Variants in AGBL4 observed in about 807,000 individuals in gnomAD.
The protein encoded by AGBL4 is AGBL carboxypeptidase 4.
In AGBL4, 58 loss-of-function variants were observed where a neutral mutation model predicts 66.4. The ratio of observed to expected loss-of-function variants is 0.87; its 90% confidence interval spans 0.71 to 1.09. The LOEUF (loss-of-function observed/expected upper bound fraction) is 1.09. Among genes scored for constraint, AGBL4 ranks in the 50% least tolerant of loss-of-function variants. The pLI is 0.00. For synonymous variants in AGBL4, 234 were observed against 222.9 expected (o/e 1.05, Z -0.44); for missense variants, 579 against 631.0 (o/e 0.92, Z 0.88).
chr1:48,865,112 C>T (rs1438761930), intron 6 of AGBL4, among the ~76,000 whole-genome samples: 1 of 151,966 alleles, frequency 6.6e-6, no homozygotes, highest in East Asian at 1.9e-4. Context: ...TTCAGACAAG[C>T]CAGTACCTCC....
At chr1:49,929,663 G>GA (rs887460095) in intron 1 of AGBL4, among the ~76,000 whole-genome samples, 11 of 143,592 alleles carry the variant, frequency 7.7e-5, no homozygotes, top group African/African-American at 1.3e-4. Context: ...GTTTCAAGCA[G>GA]AAAAAAAAAA....
chr1:48,634,904 C>T (rs1645645019), intron 8 of AGBL4, among the ~76,000 whole-genome samples: 1 of 152,176 alleles, frequency 6.6e-6, no homozygotes, highest in Non-Finnish European at 1.5e-5. Flanking sequence ...CCCATAGACA[C>T]ACATGCACAT....
intron 1 of AGBL4, among the ~76,000 whole-genome samples, chr1:49,918,452 A>G (rs552895844): frequency 6.6e-6 from 1 of 152,314 alleles, no homozygotes; most frequent in South Asian, 2.1e-4. Flanking sequence ...AGAATACTAT[A>G]AACACCTCTA....
At chr1:48,610,375 G>T (rs1028629675) in intron 9 of AGBL4, among the ~76,000 whole-genome samples, 1 of 152,128 alleles carries the variant, frequency 6.6e-6, no homozygotes, top group Non-Finnish European at 1.5e-5. Flanking sequence ...CATTTTTCAG[G>T]CACTAGACAG....
intron 2 of AGBL4, among the ~76,000 whole-genome samples, chr1:49,702,404 T>C (rs1175441795): frequency 6.6e-6 from 1 of 152,006 alleles, no homozygotes; most frequent in Non-Finnish European, 1.5e-5. Flanking sequence ...GGAAGGAGAA[T>C]CACTTGATCC....
At chr1:49,023,709 T>C (rs1203117777) in intron 5 of AGBL4, among the ~76,000 whole-genome samples, 1 of 152,148 alleles carries the variant, frequency 6.6e-6, no homozygotes, top group Non-Finnish European at 1.5e-5. Flanking sequence ...ACAGGTAACT[T>C]ATCCATCGCC....
chr1:49,596,569 A>G (rs945843998), intron 3 of AGBL4, among the ~76,000 whole-genome samples: 8 of 152,220 alleles, frequency 5.3e-5, no homozygotes, highest in Non-Finnish European at 1.0e-4. Flanking sequence ...CTAGAAATGT[A>G]GATGTATGTT....
At chr1:49,315,346 T>C (rs1183430144) in intron 3 of AGBL4, among the ~76,000 whole-genome samples, 1 of 152,114 alleles carries the variant, frequency 6.6e-6, no homozygotes, top group East Asian at 1.9e-4. Flanking sequence ...AAAGACTTCA[T>C]GAATAAAACA....
chr1:49,053,804 C>T lies in AGBL4; in HGVS notation c.378-8004G>A, dbSNP rs186410045. Among the ~76,000 whole-genome samples, 6 of 152,160 alleles carry T rather than the reference C, an allele frequency of 3.9e-5. No homozygotes were observed. In the East Asian group the frequency reaches 1.2e-3, roughly 29 times the overall value. ...TTAAATTTCCATTTCTCATGACACGCAATAATAAATACATAACGTGTATAA... is the reference window on the plus strand; with the variant it reads ...TTAAATTTCCATTTCTCATGACACGTAATAATAAATACATAACGTGTATAA... On this transcript the variant is annotated intron_variant, in intron 4 of 13. Coordinates refer to ENST00000371839, the MANE Select transcript of AGBL4 (RefSeq NM_032785.4).
At chr1:50,013,286 C>T (rs1293366120) in intron 1 of AGBL4, among the ~76,000 whole-genome samples, 1 of 152,132 alleles carries the variant, frequency 6.6e-6, no homozygotes, top group Non-Finnish European at 1.5e-5. Context: ...GATCATGAGT[C>T]CTTCCTCAAA....
intron 6 of AGBL4, among the ~76,000 whole-genome samples, chr1:48,709,104 G>C (rs1406552403): frequency 2.0e-5 from 3 of 152,186 alleles, no homozygotes; most frequent in African/African-American, 7.2e-5. Context: ...GCTCTTACTT[G>C]GATAAGGTTC....
chr1:48,551,674 G>T (rs113401752), intron 11 of AGBL4, among the ~76,000 whole-genome samples: 132 of 152,180 alleles, frequency 8.7e-4, no homozygotes, highest in African/African-American at 3.0e-3. Context: ...TGGACGTTTG[G>T]TATAACATCT....
In AGBL4 at chr1:49,833,369, C is replaced by T. The variant is rs901726036; in HGVS notation, c.157+18027G>A. 2.6e-5 allele frequency among the ~76,000 whole-genome samples: 4 copies of T among 152,042 alleles called. No individual in the cohort carries two copies. In the East Asian group the frequency reaches 7.7e-4, roughly 29 times the overall value. ...TTGATCTATATCTCTGTTTTGGTAC[C>T]AGTACCATGCTGTTTTGGTTACTGT... On this transcript the variant is annotated intron_variant, in intron 2 of 13. Transcript: ENST00000371839.
At chr1:49,203,578 G>A (rs1349043659) in intron 4 of AGBL4, among the ~76,000 whole-genome samples, 2 of 152,190 alleles carry the variant, frequency 1.3e-5, no homozygotes, top group African/African-American at 4.8e-5. Flanking sequence ...CATAGAAATA[G>A]ATAATATAAT....
At chr1:48,829,879 ATTT>A (rs897743858) in intron 6 of AGBL4, among the ~76,000 whole-genome samples, 2 of 151,930 alleles carry the variant, frequency 1.3e-5, no homozygotes, top group African/African-American at 4.8e-5. Context: ...ATCAAAATAC[ATTT>A]TTTTTCATAA....
At chr1:49,336,186 T>C (rs1344009235) in intron 3 of AGBL4, among the ~76,000 whole-genome samples, 1 of 152,110 alleles carries the variant, frequency 6.6e-6, no homozygotes, top group Non-Finnish European at 1.5e-5. Flanking sequence ...CAGTCTGACT[T>C]TGATCTCAGG....
intron 6 of AGBL4, among the ~76,000 whole-genome samples, chr1:48,727,162 C>G (rs1647330396): frequency 6.6e-6 from 1 of 152,168 alleles, no homozygotes; most frequent in Admixed American, 6.5e-5. Context: ...GATGAAAGAA[C>G]CGATACCAGG....
At chr1:48,917,421 C>T (rs1342953555) in intron 5 of AGBL4, among the ~76,000 whole-genome samples, 2 of 152,058 alleles carry the variant, frequency 1.3e-5, no homozygotes, top group African/African-American at 4.8e-5. Flanking sequence ...AAAAAAATCA[C>T]ACATTTTTGA....
intron 6 of AGBL4, among the ~76,000 whole-genome samples, chr1:48,671,061 A>C (rs1344892136): frequency 6.6e-6 from 1 of 152,260 alleles, no homozygotes; most frequent in African/African-American, 2.4e-5. Flanking sequence ...ATGGCCTGCC[A>C]TCAGGGAAGG....
Sources: gnomAD v4.1 joint callset for allele counts (sites outside exome capture counted in the v4.1 genomes callset) on GRCh38, gnomAD v4.1.1 for gene constraint, MANE v1.5 for transcripts, NCBI Gene and HGNC (gene_info 2026-07-23, HGNC 2026-07-21) for gene names.